Variants in ZNF407 observed in about 807,000 individuals in gnomAD.
The protein encoded by ZNF407 is zinc finger protein 407.
ZNF407 carries 17 observed loss-of-function variants against 131.2 expected under a neutral mutation model. That is an observed-to-expected ratio of 0.13 (90% CI 0.09 to 0.19). ZNF407 has a LOEUF of 0.19. Ranked by LOEUF, ZNF407 falls within the 10% of genes least tolerant of loss-of-function variation. ZNF407 has a pLI of 1.00. For synonymous variants in ZNF407, 1,156 were observed against 1,062.0 expected (o/e 1.09, Z -1.72); for missense variants, 2,681 against 2,830.6 (o/e 0.95, Z 1.20).
intron 8 of ZNF407, among the ~76,000 whole-genome samples, chr18:74,937,071 G>A (rs1346858043): frequency 3.9e-5 from 6 of 152,146 alleles, no homozygotes; most frequent in Non-Finnish European, 8.8e-5. Context: ...ATGATATAAG[G>A]TTGATAAAGA....
intron 4 of ZNF407, among the ~76,000 whole-genome samples, chr18:74,782,478 C>T (rs1182964737): frequency 1.3e-5 from 2 of 152,164 alleles, no homozygotes; most frequent in African/African-American, 2.4e-5. Flanking sequence ...TAGACTGCTA[C>T]TGAGTCAAAA....
At position 74,832,846 on chromosome 18, in the gene ZNF407, A is replaced by T. The variant is rs994262858; in HGVS notation, c.4878-44351A>T. Among the ~76,000 whole-genome samples, 5 of 152,356 alleles carry T rather than the reference A, an allele frequency of 3.3e-5. 1 individual carries two copies. In the South Asian group the frequency reaches 1.0e-3, roughly 32 times the overall value. ...TTCCATGAAGCTATCATGTATTTCT[A>T]AAGTAACATCTTAAAATTTGCTGTT... On this transcript the variant is annotated intron_variant, in intron 4 of 8. Coordinates refer to ENST00000299687, the MANE Select transcript of ZNF407 (RefSeq NM_017757.3).
intron 1 of ZNF407, among the ~76,000 whole-genome samples, chr18:74,604,169 C>T (rs527324948): frequency 2.0e-5 from 3 of 152,190 alleles, no homozygotes; most frequent in African/African-American, 4.8e-5. Context: ...GTCACCTCCT[C>T]ACAAAGTACA....
At chr18:74,812,235 T>C (rs569487844) in intron 4 of ZNF407, among the ~76,000 whole-genome samples, 1 of 152,266 alleles carries the variant, frequency 6.6e-6, no homozygotes, top group South Asian at 2.1e-4. Flanking sequence ...TAGCTTAGAA[T>C]TTTTGTGTGT....
intron 8 of ZNF407, among the ~76,000 whole-genome samples, chr18:75,041,622 GCACACA>G (rs57989015): frequency 0.017 from 2,424 of 144,458 alleles, 19 homozygotes; most frequent in Middle Eastern, 0.026. Context: ...GCATGCACGT[GCACACA>G]CACACACACA....
intron 4 of ZNF407, among the ~76,000 whole-genome samples, chr18:74,841,869 A>G (rs576478352): frequency 6.6e-6 from 1 of 152,296 alleles, no homozygotes; most frequent in Admixed American, 6.5e-5. Flanking sequence ...GTCATTAGGA[A>G]CTATGAATCC....
At chr18:74,690,531 C>T (rs1484464074) in intron 3 of ZNF407, among the ~76,000 whole-genome samples, 1 of 151,166 alleles carries the variant, frequency 6.6e-6, no homozygotes, top group Non-Finnish European at 1.5e-5. Context: ...TTGATTATGT[C>T]TTATGATTTT....
chr18:74,976,566 GA>G (rs1265958958), intron 8 of ZNF407, among the ~76,000 whole-genome samples: 10 of 152,184 alleles, frequency 6.6e-5, no homozygotes, highest in African/African-American at 2.4e-4. Context: ...TAAACAATGA[GA>G]AAAACATTCA....
At chr18:74,617,545 C>CT (rs1983369364) in intron 1 of ZNF407, among the ~76,000 whole-genome samples, 86 of 152,304 alleles carry the variant, frequency 5.6e-4, no homozygotes, top group African/African-American at 2.0e-3. Context: ...GTTCCCTCCA[C>CT]CTTTTTTCTT....
chr18:74,883,174 C>G (rs1971261362), intron 6 of ZNF407, among the ~76,000 whole-genome samples: 1 of 152,170 alleles, frequency 6.6e-6, no homozygotes, highest in Non-Finnish European at 1.5e-5. Context: ...ACAGAGGTAT[C>G]TGTCTTTTTG....
intron 4 of ZNF407, 42 bp from the exon 5 acceptor site, chr18:74,877,155 G>A: frequency 6.3e-7 from 1 of 1,591,922 alleles, no homozygotes; most frequent in Non-Finnish European, 8.6e-7. Context: ...CGGTGCTGGT[G>A]TGCGGGCCAT....
intron 7 of ZNF407, among the ~76,000 whole-genome samples, chr18:74,893,136 A>G (rs1256001898): frequency 6.6e-6 from 1 of 152,170 alleles, no homozygotes; most frequent in Non-Finnish European, 1.5e-5. Flanking sequence ...TTAGGACCGC[A>G]TTTGAGCCAG....
chr18:74,784,806 G>A (rs940154023), intron 4 of ZNF407, among the ~76,000 whole-genome samples: 3 of 152,158 alleles, frequency 2.0e-5, no homozygotes, highest in Non-Finnish European at 4.4e-5. Context: ...TCTAGAAAAC[G>A]AGCTTATCTA....
intron 3 of ZNF407, among the ~76,000 whole-genome samples, chr18:74,728,272 G>A (rs1375464962): frequency 2.6e-5 from 4 of 152,206 alleles, no homozygotes; most frequent in African/African-American, 9.6e-5. Context: ...GACAATCTCA[G>A]AGTTCAAAGT....
chr18:74,741,342 ATG>A (rs528329479), intron 3 of ZNF407, among the ~76,000 whole-genome samples: 24 of 152,296 alleles, frequency 1.6e-4, no homozygotes, highest in Admixed American at 1.0e-3. Flanking sequence ...ATAAATATAA[ATG>A]TATATATGGA....
At chr18:74,642,752 A>C (rs1568142505) in intron 3 of ZNF407, among the ~76,000 whole-genome samples, 1 of 152,130 alleles carries the variant, frequency 6.6e-6, no homozygotes, top group African/African-American at 2.4e-5. Flanking sequence ...AGAATTGTAC[A>C]TGATTATACA....
rs540543415 is a variant in ZNF407 at position 74,866,665 on chromosome 18, C to A, written c.4878-10532C>A. Among the ~76,000 whole-genome samples the A allele has an allele frequency of 4.5e-4, 68 of 151,278 alleles. 1 individual carries two copies. The highest frequency in any genetic ancestry group is 1.6e-3 in the African/African-American group (65 of 41,172). ...AAACACTTCTGGGTATTACCAGAAT[C>A]AATTTTGTGAGAAATAATATATATA... On this transcript the variant is annotated intron_variant, in intron 4 of 8. Transcript: ENST00000299687.
Position 74,787,004 on chromosome 18 carries a change from A to G in ZNF407, c.4877+5502A>G, listed in dbSNP as rs1969731616. 2.0e-5 allele frequency among the ~76,000 whole-genome samples: 3 copies of G among 151,660 alleles called. No homozygotes were observed. In the South Asian group the frequency reaches 6.3e-4, roughly 32 times the overall value. On this transcript the variant is annotated intron_variant, in intron 4 of 8. Coordinates refer to ENST00000299687, the MANE Select transcript of ZNF407 (RefSeq NM_017757.3). ...TTGTTTTTAGTAGAGACGGGGTTTC[A>G]TCATGTTGGCCAGGCTGGTCTCAAA... is the stretch of plus-strand genomic sequence containing the variant.
At chr18:74,718,381 A>C (rs1400542597) in intron 3 of ZNF407, among the ~76,000 whole-genome samples, 1 of 151,858 alleles carries the variant, frequency 6.6e-6, no homozygotes, top group African/African-American at 2.4e-5. Context: ...AAAAATAGCT[A>C]GTTGTGCTGG....
Sources: gnomAD v4.1 joint callset for allele counts (sites outside exome capture counted in the v4.1 genomes callset) on GRCh38, gnomAD v4.1.1 for gene constraint, MANE v1.5 for transcripts, NCBI Gene and HGNC (gene_info 2026-07-23, HGNC 2026-07-21) for gene names.